Variants in TMEM132D observed in about 807,000 individuals in gnomAD.
TMEM132D encodes transmembrane protein 132D.
In TMEM132D, 21 loss-of-function variants were observed where a neutral mutation model predicts 62.3. The ratio of observed to expected loss-of-function variants is 0.34; its 90% CI spans 0.24 to 0.49. The LOEUF (loss-of-function observed/expected upper bound fraction) is 0.49. Ranked by LOEUF, TMEM132D falls within the 20% of genes least tolerant of loss-of-function variation. The pLI is 0.99. For synonymous variants in TMEM132D, 621 were observed against 575.6 expected (o/e 1.08, Z -1.13); for missense variants, 1,346 against 1,402.8 (o/e 0.96, Z 0.65).
At chr12:129,380,431 C>A (rs972319809) in intron 3 of TMEM132D, among the ~76,000 whole-genome samples, 1 of 152,058 alleles carries the variant, frequency 6.6e-6, no homozygotes, top group Non-Finnish European at 1.5e-5. Context: ...GAAAAAGACC[C>A]GTTTGCCCTT....
At chr12:129,279,518 A>G (rs1426705689) in intron 4 of TMEM132D, among the ~76,000 whole-genome samples, 3 of 152,116 alleles carry the variant, frequency 2.0e-5, no homozygotes, top group Admixed American at 2.0e-4. Flanking sequence ...TCTAATAGCG[A>G]TATTCTTTAA....
intron 4 of TMEM132D, among the ~76,000 whole-genome samples, chr12:129,334,150 A>T (rs963946438): frequency 6.6e-6 from 1 of 152,132 alleles, no homozygotes; most frequent in Non-Finnish European, 1.5e-5. Flanking sequence ...AATGAAAAAA[A>T]TTTTTAAATA....
At chr12:129,420,962 C>CTTTT (rs770659851) in intron 3 of TMEM132D, among the ~76,000 whole-genome samples, 2 of 134,470 alleles carry the variant, frequency 1.5e-5, no homozygotes, top group Non-Finnish European at 3.2e-5. Flanking sequence ...GTAGATCTAC[C>CTTTT]TTTTTTTTTT....
intron 3 of TMEM132D, among the ~76,000 whole-genome samples, chr12:129,478,149 T>G (rs888364129): frequency 6.6e-6 from 1 of 152,236 alleles, no homozygotes; most frequent in African/African-American, 2.4e-5. Flanking sequence ...GTATAAAAGA[T>G]CTTTAAAAGG....
intron 4 of TMEM132D, among the ~76,000 whole-genome samples, chr12:129,333,491 A>AGCT (rs1234511724): frequency 2.0e-5 from 3 of 152,202 alleles, no homozygotes; most frequent in African/African-American, 7.2e-5. Context: ...TTGGGACTAA[A>AGCT]GCTAGGATGC....
At chr12:129,744,476 A>G (rs1869710644) in intron 1 of TMEM132D, among the ~76,000 whole-genome samples, 1 of 152,170 alleles carries the variant, frequency 6.6e-6, no homozygotes, top group Admixed American at 6.5e-5. Flanking sequence ...ATATGCCTGT[A>G]GGTAATTATA....
At position 129,525,226 on chromosome 12, in the gene TMEM132D, G is replaced by GTTTTTT. The variant is rs765569025; in HGVS notation, c.1115+5827_1115+5832dup. Among the ~76,000 whole-genome samples the GTTTTTT allele has an allele frequency of 7.7e-4, 52 of 67,394 alleles. 6 individuals are homozygous for GTTTTTT. Among genetic ancestry groups the GTTTTTT allele is most frequent in the Non-Finnish European group, 1.2e-3 (43 of 34,746 alleles). 44.2% of individuals were successfully genotyped at this position (67,394 alleles called of 152,430 possible). On this transcript the variant is annotated intron_variant, in intron 3 of 8. Transcript: ENST00000422113. ...GGGTATGAGCCACGGTGCCCAGCCG[G>GTTTTTT]TTTTTTTTTTTTTTTTTTTTTTTTT...
chr12:129,136,427 A>G (rs1876558949), intron 5 of TMEM132D, among the ~76,000 whole-genome samples: 1 of 152,144 alleles, frequency 6.6e-6, no homozygotes, highest in African/African-American at 2.4e-5. Context: ...GTTATTTTGT[A>G]GAATGTTCCT....
At chr12:129,730,354 G>T (rs1035982423) in intron 1 of TMEM132D, among the ~76,000 whole-genome samples, 3 of 152,136 alleles carry the variant, frequency 2.0e-5, no homozygotes, top group Admixed American at 1.3e-4. Flanking sequence ...CTCTGCCATT[G>T]TAATTATGCA....
chr12:129,654,318 G>A (rs1339616352), intron 2 of TMEM132D, among the ~76,000 whole-genome samples: 2 of 141,292 alleles, frequency 1.4e-5, no homozygotes, highest in Admixed American at 1.4e-4. Flanking sequence ...GTGTGTGTGT[G>A]TTCTGAGCAC....
Position 129,840,998 on chromosome 12 carries a change from A to G in TMEM132D, c.79+62263T>C, listed in dbSNP as rs73440442. On this transcript the variant is annotated intron_variant, in intron 1 of 8. Transcript: ENST00000422113. The stretch of plus-strand genomic sequence containing the variant: ...GCTGAGTGTGCTGTTTGGTTACAGA[A>G]CTGGGGGAGTCTCTGGCAGAGTATA... Among the ~76,000 whole-genome samples, 1,295 of 152,326 alleles carry G rather than the reference A, an allele frequency of 8.5e-3. 23 individuals are homozygous for G. Among genetic ancestry groups the G allele is most frequent in the African/African-American group, 0.03 (1,252 of 41,568 alleles).
At chr12:129,860,233 C>T (rs115124650) in intron 1 of TMEM132D, among the ~76,000 whole-genome samples, 3 of 152,258 alleles carry the variant, frequency 2.0e-5, no homozygotes, top group South Asian at 2.1e-4. Context: ...TAAGGCAAAA[C>T]GATTACTGCA....
intron 2 of TMEM132D, among the ~76,000 whole-genome samples, chr12:129,548,577 T>A (rs1876803877): frequency 6.6e-6 from 1 of 152,182 alleles, no homozygotes; most frequent in African/African-American, 2.4e-5. Flanking sequence ...GGCCTGTTCT[T>A]TTTCTCTTCA....
chr12:129,689,267 TA>T (rs1046288533), intron 2 of TMEM132D, among the ~76,000 whole-genome samples: 10 of 152,222 alleles, frequency 6.6e-5, no homozygotes, highest in African/African-American at 2.4e-4. Context: ...TATTTTTACT[TA>T]AAAGCTCCTG....
At chr12:129,462,595 G>A (rs1171304431) in intron 3 of TMEM132D, among the ~76,000 whole-genome samples, 2 of 152,158 alleles carry the variant, frequency 1.3e-5, no homozygotes, top group African/African-American at 4.8e-5. Flanking sequence ...CACTCTGACA[G>A]CCCTCTGACT....
rs138700295 is a variant in TMEM132D, at chr12:129,279,817, G to A, written c.1299+57817C>T. The stretch of plus-strand genomic sequence containing the variant: ...GTGATCTCATGTTTTACGCAGCCAC[G>A]TGCAATTCACTTCTAAATGACATGA... On this transcript the variant is annotated intron_variant, in intron 4 of 8. Coordinates refer to ENST00000422113, the MANE Select transcript of TMEM132D (RefSeq NM_133448.3). Among the ~76,000 whole-genome samples the A allele has an allele frequency of 2.1e-3, 327 of 152,322 alleles. 1 individual carries two copies. Among genetic ancestry groups the A allele is most frequent in the Non-Finnish European group, 3.9e-3 (264 of 68,046 alleles).
chr12:129,840,892 A>C (rs1050290388), intron 1 of TMEM132D, among the ~76,000 whole-genome samples: 3 of 152,274 alleles, frequency 2.0e-5, no homozygotes, highest in Non-Finnish European at 4.4e-5. Flanking sequence ...TAAAAGCTTA[A>C]TAAGGAAAGC....
intron 2 of TMEM132D, among the ~76,000 whole-genome samples, chr12:129,663,153 T>G (rs987558841): frequency 1.3e-5 from 2 of 151,988 alleles, no homozygotes; most frequent in Non-Finnish European, 2.9e-5. Flanking sequence ...TTTTTTTTCC[T>G]TTTGAGATGG....
intron 3 of TMEM132D, among the ~76,000 whole-genome samples, chr12:129,486,826 G>C (rs34804170): frequency 0.49 from 62,264 of 126,266 alleles, 14,347 homozygotes; most frequent in Non-Finnish European, 0.55. Flanking sequence ...AAGCACATGG[G>C]GGCACCTAGC....
Sources: gnomAD v4.1 joint callset for allele counts (sites outside exome capture counted in the v4.1 genomes callset) on GRCh38, gnomAD v4.1.1 for gene constraint, MANE v1.5 for transcripts, NCBI Gene and HGNC (gene_info 2026-07-23, HGNC 2026-07-21) for gene names.